The following FBXL4 variants were observed in gnomAD, a reference collection of about 807,000 sequenced individuals.
FBXL4 encodes the protein F-box/LRR-repeat protein 4.
In FBXL4, 40 loss-of-function variants were observed where a neutral mutation model predicts 58.9. The observed-to-expected ratio is 0.68, with a 90% CI of 0.53 to 0.88. The LOEUF is 0.88. FBXL4 is among the 40% of genes least tolerant of loss of function. FBXL4 has a pLI of 0.00. For synonymous variants in FBXL4, 263 were observed against 265.5 expected (o/e 0.99, Z 0.09); for missense variants, 676 against 734.4 (o/e 0.92, Z 0.92).
At chr6:98,908,308 A>G (rs1326488179) in intron 5 of FBXL4, among the ~76,000 whole-genome samples, 1 of 152,182 alleles carries the variant, frequency 6.6e-6, no homozygotes, top group Non-Finnish European at 1.5e-5. Flanking sequence ...TACACCATTC[A>G]GCAACTTGCT....
Position 98,869,515 on chromosome 6 carries a change from G to C in FBXL4, c.*4763C>G, listed in dbSNP as rs1167939887. On this transcript the variant is annotated 3_prime_UTR_variant, in exon 10 of 10. Transcript: ENST00000369244. ...AGGTGTGGTGGTGTCTGTAGTCCCA[G>C]GTACTCGGGAGGCCGAGGTGGGAGG... 1 of 152,394 alleles carries C rather than the reference G, an allele frequency of 6.6e-6. No individual in the cohort carries two copies. The highest frequency in any genetic ancestry group is 1.5e-5 in the Non-Finnish European group (1 of 68,218). The allele number at this position is 152,394 out of a possible 1,614,324, so 9.4% of individuals were successfully genotyped here. A position where few individuals can be genotyped will look rare whatever the true frequency, so the allele number is the denominator to read the frequency against.
intron 7 of FBXL4, among the ~76,000 whole-genome samples, chr6:98,896,351 A>G (rs1771410003): frequency 6.6e-6 from 1 of 152,206 alleles, no homozygotes; most frequent in Admixed American, 6.5e-5. Context: ...TGCCATGAAT[A>G]CTAGTGCTGT....
chr6:98,901,834 G>A (rs899720332), intron 6 of FBXL4, among the ~76,000 whole-genome samples: 3 of 152,038 alleles, frequency 2.0e-5, no homozygotes, highest in Non-Finnish European at 2.9e-5. Flanking sequence ...CTGATCATTT[G>A]AAAGGAGAAC....
At chr6:98,907,644 C>T (rs1024245228) in intron 5 of FBXL4, among the ~76,000 whole-genome samples, 4 of 151,954 alleles carry the variant, frequency 2.6e-5, no homozygotes, top group African/African-American at 9.7e-5. Flanking sequence ...TAAATATTTG[C>T]TAAATGTTAA....
intron 5 of FBXL4, among the ~76,000 whole-genome samples, chr6:98,913,152 T>A (rs1772169486): frequency 1.3e-5 from 2 of 152,178 alleles, no homozygotes; most frequent in African/African-American, 4.8e-5. Flanking sequence ...ATGCATCCAA[T>A]ACAGGAGCAC....
At chr6:98,896,864 T>C (rs1458622783) in intron 7 of FBXL4, 6 of 985,198 alleles carry the variant, frequency 6.1e-6, no homozygotes, top group Middle Eastern at 5.2e-4. Context: ...TCTTCAGATA[T>C]GAAATCTTCT....
intron 7 of FBXL4, chr6:98,897,146 A>G: frequency 1.0e-6 from 1 of 982,540 alleles, no homozygotes; most frequent in Non-Finnish European, 1.2e-6. Flanking sequence ...CTTATTAAAC[A>G]ATCAGAAAAT....
chr6:98,883,498 T>C (rs1170812850), intron 7 of FBXL4, among the ~76,000 whole-genome samples: 1 of 152,134 alleles, frequency 6.6e-6, no homozygotes, highest in Non-Finnish European at 1.5e-5. Context: ...AAAGTTCTTC[T>C]TTAGCTAAGG....
At chr6:98,876,569 C>A (rs757315260) in intron 8 of FBXL4, among the ~76,000 whole-genome samples, 1 of 152,006 alleles carries the variant, frequency 6.6e-6, no homozygotes, top group Non-Finnish European at 1.5e-5. Context: ...GATGCTAGGA[C>A]CAGCAGTAAA....
chr6:98,888,326 G>C (rs1363217425), intron 7 of FBXL4, among the ~76,000 whole-genome samples: 2 of 152,210 alleles, frequency 1.3e-5, no homozygotes, highest in East Asian at 3.9e-4. Context: ...AGCCCATAGG[G>C]CCTGCAAGGC....
intron 7 of FBXL4, among the ~76,000 whole-genome samples, chr6:98,890,355 T>C (rs1771181817): frequency 6.6e-6 from 1 of 152,178 alleles, no homozygotes; most frequent in Admixed American, 6.5e-5. Context: ...TATAACGTGA[T>C]CAGAAACAAA....
chr6:98,904,360 T>C (rs1053434233), intron 6 of FBXL4, among the ~76,000 whole-genome samples: 1 of 152,220 alleles, frequency 6.6e-6, no homozygotes, highest in Non-Finnish European at 1.5e-5. Flanking sequence ...CATGTGCTAC[T>C]AGCCATTACT....
chr6:98,877,596 A>G (rs1490511748), intron 8 of FBXL4, among the ~76,000 whole-genome samples: 2 of 152,180 alleles, frequency 1.3e-5, no homozygotes, highest in Non-Finnish European at 2.9e-5. Context: ...TAAATTTTAG[A>G]TATTATGCAG....
chr6:98,906,174 T>TGAA (rs1554219610), intron 5 of FBXL4, among the ~76,000 whole-genome samples: 2 of 123,990 alleles, frequency 1.6e-5, no homozygotes, highest in South Asian at 5.3e-4. Context: ...CACTCAGCTT[T>TGAA]AAAAAAAAAA....
In FBXL4 at chr6:98,907,863, G is replaced by A. The variant is rs573032017; in HGVS notation, c.859-2193C>T. Among the ~76,000 whole-genome samples the A allele has an allele frequency of 3.3e-5, 5 of 152,244 alleles. No individual in the cohort carries two copies. In the East Asian group the frequency reaches 9.6e-4, roughly 29 times the overall value. Reference sequence around the variant, plus strand: ...ACATGATCTTTAAAATAAGTTTAAAGAGGGTGTAGCCAGAATCTCCCTTAC... The same window carrying A: ...ACATGATCTTTAAAATAAGTTTAAAAAGGGTGTAGCCAGAATCTCCCTTAC... On this transcript the variant is annotated intron_variant, in intron 5 of 9. Coordinates refer to ENST00000369244, the MANE Select transcript of FBXL4 (RefSeq NM_001278716.2).
intron 5 of FBXL4, among the ~76,000 whole-genome samples, chr6:98,910,709 G>C (rs951786614): frequency 6.6e-6 from 1 of 151,914 alleles, no homozygotes; most frequent in African/African-American, 2.4e-5. Context: ...CAAGATGGCC[G>C]AATAGGAACA....
intron 8 of FBXL4, among the ~76,000 whole-genome samples, chr6:98,878,634 T>TA (rs1427392263): frequency 6.6e-6 from 1 of 152,138 alleles, no homozygotes; most frequent in Non-Finnish European, 1.5e-5. Context: ...CAATTTCAAT[T>TA]ATAAGCATAT....
chr6:98,911,940 C>A (rs917411684), intron 5 of FBXL4, among the ~76,000 whole-genome samples: 15 of 151,996 alleles, frequency 9.9e-5, no homozygotes, highest in African/African-American at 3.6e-4. Context: ...AAAATTTAGA[C>A]AAATGTATAA....
Position 98,869,629 on chromosome 6 carries a change from C to T in FBXL4, c.*4649G>A, listed in dbSNP as rs1770443185. ...GGGGCAATAGAGTGAGACCCTGTCT[C>T]AAATATGTAACACACACATACATAC... is the stretch of plus-strand genomic sequence containing the variant. On this transcript the variant is annotated 3_prime_UTR_variant, in exon 10 of 10. Transcript: ENST00000369244. 6.7e-6 allele frequency: 1 copy of T among 148,240 alleles called. No individual in the cohort carries two copies. The highest frequency in any genetic ancestry group is 2.3e-4 in the East Asian group (1 of 4,264). 9.2% of individuals were successfully genotyped at this position (148,240 alleles called of 1,614,324 possible).
Sources: gnomAD v4.1 joint callset for allele counts (sites outside exome capture counted in the v4.1 genomes callset) on GRCh38, gnomAD v4.1.1 for gene constraint, MANE v1.5 for transcripts, NCBI Gene and HGNC (gene_info 2026-07-23, HGNC 2026-07-21) for gene names.